PTPRM: variants seen among roughly 807,000 people sequenced by gnomAD.
The protein encoded by PTPRM is protein tyrosine phosphatase receptor type M, also known as receptor-type tyrosine-protein phosphatase mu.
A neutral mutation model predicts 186.7 loss-of-function variants in PTPRM; 47 were observed. That is an observed-to-expected ratio of 0.25 (90% CI 0.20 to 0.32). The LOEUF is 0.32. Ranked by LOEUF, PTPRM falls within the 10% of genes least tolerant of loss-of-function variation. The pLI is 1.00. For missense variants in PTPRM, 1,494 were observed against 1,865.0 expected, an observed-to-expected ratio of 0.80 and a Z score of 3.66; for synonymous variants, 668 against 674.9, an observed-to-expected ratio of 0.99 and a Z score of 0.16.
chr18:7,983,649 A>C (rs1357140025), intron 7 of PTPRM, among the ~76,000 whole-genome samples: 1 of 152,136 alleles, frequency 6.6e-6, no homozygotes, highest in Non-Finnish European at 1.5e-5. Flanking sequence ...TAAACATTTA[A>C]GTAACTGCTC....
At chr18:7,671,968 C>T (rs1172393682) in intron 1 of PTPRM, among the ~76,000 whole-genome samples, 2 of 152,182 alleles carry the variant, frequency 1.3e-5, no homozygotes, top group Non-Finnish European at 2.9e-5. Flanking sequence ...AACGTCGTTT[C>T]GTAGGGAAGA....
intron 2 of PTPRM, among the ~76,000 whole-genome samples, chr18:7,847,156 T>A: frequency 7.1e-6 from 1 of 140,370 alleles, no homozygotes; most frequent in South Asian, 2.3e-4. Context: ...TTGTAGTTTC[T>A]GAAATACAAA....
At chr18:8,329,142 T>C (rs2095396767) in intron 22 of PTPRM, among the ~76,000 whole-genome samples, 1 of 152,242 alleles carries the variant, frequency 6.6e-6, no homozygotes, top group Non-Finnish European at 1.5e-5. Context: ...AACAAATGCT[T>C]TTTAAACCTT....
At chr18:7,570,217 G>A (rs529072666) in intron 1 of PTPRM, among the ~76,000 whole-genome samples, 43 of 152,298 alleles carry the variant, frequency 2.8e-4, no homozygotes, top group Admixed American at 2.2e-3. Context: ...TCCATATTGC[G>A]TTTAGGTAGT....
At chr18:7,821,155 G>A (rs530812909) in intron 2 of PTPRM, among the ~76,000 whole-genome samples, 2 of 152,120 alleles carry the variant, frequency 1.3e-5, no homozygotes, top group African/African-American at 2.4e-5. Flanking sequence ...GCCCCAGGAC[G>A]TTGTTCTGGC....
chr18:8,336,751 G>A (rs1018962073), intron 22 of PTPRM, among the ~76,000 whole-genome samples: 4 of 151,962 alleles, frequency 2.6e-5, no homozygotes, highest in South Asian at 4.2e-4. Context: ...AGGCTGAGGC[G>A]GGCAGATCAT....
chr18:7,594,358 T>TA (rs1300726257), intron 1 of PTPRM, among the ~76,000 whole-genome samples: 1 of 151,954 alleles, frequency 6.6e-6, no homozygotes, highest in East Asian at 1.9e-4. Flanking sequence ...CAGGTGCCTG[T>TA]AATCCTAGCT....
At chr18:8,068,344 C>T (rs994329197) in intron 7 of PTPRM, among the ~76,000 whole-genome samples, 1 of 152,136 alleles carries the variant, frequency 6.6e-6, no homozygotes, top group African/African-American at 2.4e-5. Flanking sequence ...TAACACAAAA[C>T]ATTTTAGGTT....
chr18:7,878,819 G>A (rs1055643855), intron 2 of PTPRM, among the ~76,000 whole-genome samples: 5 of 152,060 alleles, frequency 3.3e-5, no homozygotes, highest in African/African-American at 1.2e-4. Context: ...TATTGTGATG[G>A]CTTATGTCAT....
chr18:8,327,174 C>T (rs1290268825), intron 22 of PTPRM, among the ~76,000 whole-genome samples: 1 of 152,180 alleles, frequency 6.6e-6, no homozygotes, highest in Non-Finnish European at 1.5e-5. Context: ...CAGATAGGCC[C>T]CACCACATGC....
intron 1 of PTPRM, among the ~76,000 whole-genome samples, chr18:7,572,201 A>T (rs1000202812): frequency 1.3e-5 from 2 of 152,094 alleles, no homozygotes; most frequent in Admixed American, 6.5e-5. Flanking sequence ...TCAAAGGGTT[A>T]TTTTTACAGA....
At chr18:8,089,783 A>G (rs569260020) in intron 11 of PTPRM, among the ~76,000 whole-genome samples, 1 of 152,152 alleles carries the variant, frequency 6.6e-6, no homozygotes, top group South Asian at 2.1e-4. Context: ...TAAGGCAATC[A>G]GTTAGATTTC....
At chr18:8,394,333 TCTG>T in intron 31 of PTPRM, 140 bp from the exon 32 acceptor site, 1 of 853,604 alleles carries the variant, frequency 1.2e-6, no homozygotes, top group Non-Finnish European at 1.7e-6. Context: ...ATTAAAAGAA[TCTG>T]CCCAGGTAAG....
intron 1 of PTPRM, among the ~76,000 whole-genome samples, chr18:7,710,416 A>G (rs985600536): frequency 2.0e-5 from 3 of 152,236 alleles, no homozygotes; most frequent in Non-Finnish European, 4.4e-5. Context: ...AAAGCCATCT[A>G]TGTAAAACCC....
intron 20 of PTPRM, 107 bp from the exon 21 acceptor site, chr18:8,314,674 G>A (rs1281194439): frequency 3.1e-6 from 2 of 652,128 alleles, no homozygotes; most frequent in African/African-American, 1.8e-5. Context: ...CTTTAAAGCA[G>A]AGTGTCTGTG....
At chr18:7,897,666 C>T (rs549462866) in intron 3 of PTPRM, among the ~76,000 whole-genome samples, 1 of 152,212 alleles carries the variant, frequency 6.6e-6, no homozygotes, top group African/African-American at 2.4e-5. Context: ...AAATTTCATT[C>T]TTAACTTGTA....
At chr18:7,622,104 C>T (rs1425916139) in intron 1 of PTPRM, among the ~76,000 whole-genome samples, 6 of 152,154 alleles carry the variant, frequency 3.9e-5, no homozygotes, top group Non-Finnish European at 7.3e-5. Flanking sequence ...TCCTGCTGCT[C>T]CATATCCTAG....
At chr18:8,137,101 A>G (rs187547582) in intron 13 of PTPRM, among the ~76,000 whole-genome samples, 16 of 152,252 alleles carry the variant, frequency 1.1e-4, no homozygotes, top group Admixed American at 6.5e-4. Context: ...CACTGCTTCC[A>G]TTTTATTTTC....
intron 2 of PTPRM, among the ~76,000 whole-genome samples, chr18:7,799,739 G>T (rs1480918006): frequency 6.6e-6 from 1 of 152,050 alleles, no homozygotes; most frequent in Admixed American, 6.6e-5. Context: ...ACATAGAAAT[G>T]TATTCTACAT....
Sources: gnomAD v4.1 joint callset for allele counts (sites outside exome capture counted in the v4.1 genomes callset) on GRCh38, gnomAD v4.1.1 for gene constraint, MANE v1.5 for transcripts, NCBI Gene and HGNC (gene_info 2026-07-23, HGNC 2026-07-21) for gene names.